Variants in TSPAN5 observed in about 807,000 individuals in gnomAD.
TSPAN5 encodes tetraspanin 5.
Under a neutral mutation model 37.1 loss-of-function variants are expected in TSPAN5, and 10 were observed. The observed-to-expected ratio is 0.27, with a 90% confidence interval of 0.17 to 0.46. The LOEUF (loss-of-function observed/expected upper bound fraction) is 0.46, where lower values mean the gene tolerates loss of function less well. TSPAN5 is among the 20% of genes least tolerant of loss of function. TSPAN5 has a pLI of 1.00. For missense variants in TSPAN5, 195 were observed against 326.6 expected (o/e 0.60, Z 3.11); for synonymous variants, 110 against 118.9 (o/e 0.93, Z 0.48).
chr4:98,473,463 T>C (rs1046267478), intron 7 of TSPAN5, among the ~76,000 whole-genome samples: 4 of 151,242 alleles, frequency 2.6e-5, no homozygotes, highest in African/African-American at 9.7e-5. Flanking sequence ...TTTTTTTTTT[T>C]TTTTTTTGAG....
At chr4:98,591,760 TA>T (rs1192737347) in intron 1 of TSPAN5, among the ~76,000 whole-genome samples, 3 of 150,018 alleles carry the variant, frequency 2.0e-5, no homozygotes, top group Non-Finnish European at 4.4e-5. Flanking sequence ...TACATGTGCT[TA>T]CATATTTTGA....
chr4:98,542,222 G>A (rs1754375093), intron 1 of TSPAN5, among the ~76,000 whole-genome samples: 1 of 152,358 alleles, frequency 6.6e-6, no homozygotes, highest in Non-Finnish European at 1.5e-5. Context: ...TGGTCCTAGT[G>A]CCAACACATC....
intron 2 of TSPAN5, 115 bp downstream of exon 2, chr4:98,507,563 G>A (rs1274547703): frequency 2.5e-5 from 17 of 677,136 alleles, no homozygotes; most frequent in Non-Finnish European, 3.8e-5. Flanking sequence ...ACTTTTTCTT[G>A]TTAAAGAGCC....
At chr4:98,557,086 A>G (rs1471154955) in intron 1 of TSPAN5, among the ~76,000 whole-genome samples, 1 of 152,234 alleles carries the variant, frequency 6.6e-6, no homozygotes, top group Non-Finnish European at 1.5e-5. Context: ...ACTCTTATTG[A>G]GAGCAACAAA....
intron 1 of TSPAN5, among the ~76,000 whole-genome samples, chr4:98,531,386 A>G (rs1754083679): frequency 6.6e-6 from 1 of 152,210 alleles, no homozygotes; most frequent in South Asian, 2.1e-4. Flanking sequence ...ATGTCCCTGC[A>G]AAGGACATGA....
chr4:98,530,625 C>G (rs894907677), intron 1 of TSPAN5, among the ~76,000 whole-genome samples: 2 of 152,148 alleles, frequency 1.3e-5, no homozygotes, highest in Non-Finnish European at 2.9e-5. Context: ...TATTTAGAAT[C>G]AACAAAGATT....
chr4:98,534,508 G>A (rs1479443040), intron 1 of TSPAN5, among the ~76,000 whole-genome samples: 2 of 152,236 alleles, frequency 1.3e-5, no homozygotes, highest in African/African-American at 4.8e-5. Context: ...TTAGGGTGGA[G>A]AGTTCTGTAG....
At chr4:98,481,921 G>A in intron 4 of TSPAN5, 84 bp downstream of exon 4, 1 of 1,391,890 alleles carries the variant, frequency 7.2e-7, no homozygotes, top group East Asian at 2.3e-5. Flanking sequence ...CCAGCTGGCA[G>A]ATGCAGAAAC....
chr4:98,571,011 CA>C (rs552957169), intron 1 of TSPAN5, among the ~76,000 whole-genome samples: 61 of 143,904 alleles, frequency 4.2e-4, no homozygotes, highest in Non-Finnish European at 4.6e-4. Context: ...GACTCTATCT[CA>C]AAAAAAAAAA....
intron 1 of TSPAN5, among the ~76,000 whole-genome samples, chr4:98,508,753 G>A (rs1753532844): frequency 6.6e-6 from 1 of 151,932 alleles, no homozygotes; most frequent in South Asian, 2.1e-4. Context: ...TCACACTACT[G>A]GGCTCAAGCA....
intron 7 of TSPAN5, among the ~76,000 whole-genome samples, chr4:98,474,540 G>A (rs1218592643): frequency 1.3e-5 from 2 of 152,050 alleles, no homozygotes; most frequent in African/African-American, 4.8e-5. Context: ...TAGAGACAGG[G>A]TTTTGTCATG....
intron 1 of TSPAN5, among the ~76,000 whole-genome samples, chr4:98,618,899 G>A (rs1258467539): frequency 2.6e-5 from 4 of 152,144 alleles, no homozygotes; most frequent in South Asian, 4.1e-4. Flanking sequence ...TGCAGAAGCC[G>A]GGGGACAAGT....
At chr4:98,653,128 C>T (rs1033570855) in intron 1 of TSPAN5, among the ~76,000 whole-genome samples, 2 of 152,146 alleles carry the variant, frequency 1.3e-5, no homozygotes, top group South Asian at 2.1e-4. Flanking sequence ...TGGTTGCCAT[C>T]GAAGCTAACA....
intron 1 of TSPAN5, among the ~76,000 whole-genome samples, chr4:98,571,030 A>G (rs1263844312): frequency 6.6e-6 from 1 of 151,886 alleles, no homozygotes; most frequent in African/African-American, 2.4e-5. Context: ...AAAGAAATCC[A>G]TGTAGTAAAA....
At chr4:98,616,868 A>T (rs1233659565) in intron 1 of TSPAN5, among the ~76,000 whole-genome samples, 4 of 144,346 alleles carry the variant, frequency 2.8e-5, no homozygotes, top group Admixed American at 6.9e-5. Context: ...CTCCACGTAA[A>T]TTTTTTTTTT....
At chr4:98,534,035 T>G (rs1262916985) in intron 1 of TSPAN5, among the ~76,000 whole-genome samples, 1 of 150,978 alleles carries the variant, frequency 6.6e-6, no homozygotes, top group Non-Finnish European at 1.5e-5. Context: ...GCTCTGATCT[T>G]AGTTATTTCT....
chr4:98,522,735 C>A (rs1560522437), intron 1 of TSPAN5, among the ~76,000 whole-genome samples: 1 of 152,212 alleles, frequency 6.6e-6, no homozygotes, highest in Non-Finnish European at 1.5e-5. Flanking sequence ...TACACTGAGG[C>A]ATCTTTGATC....
chr4:98,627,685 TTG>T (rs1756640058), intron 1 of TSPAN5, among the ~76,000 whole-genome samples: 1 of 152,146 alleles, frequency 6.6e-6, no homozygotes, highest in African/African-American at 2.4e-5. Flanking sequence ...AGCAGAACAT[TTG>T]TGTGTATAAA....
chr4:98,598,426 C>T (rs543451955), intron 1 of TSPAN5, among the ~76,000 whole-genome samples: 138 of 151,176 alleles, frequency 9.1e-4, no homozygotes, highest in African/African-American at 2.7e-3. Flanking sequence ...AGCTGTAGAC[C>T]GGAGCTGTTC....
Sources: gnomAD v4.1 joint callset for allele counts (sites outside exome capture counted in the v4.1 genomes callset) on GRCh38, gnomAD v4.1.1 for gene constraint, MANE v1.5 for transcripts, NCBI Gene and HGNC (gene_info 2026-07-23, HGNC 2026-07-21) for gene names.